OPHN1: variants seen among roughly 807,000 people sequenced by gnomAD.
The protein encoded by OPHN1 is oligophrenin-1.
OPHN1 carries 11 observed loss-of-function variants against 60.7 expected under a neutral mutation model. That is an observed-to-expected ratio of 0.18 (90% CI 0.11 to 0.30). OPHN1 has a LOEUF of 0.30. Among genes scored for constraint, OPHN1 ranks in the 10% least tolerant of loss-of-function variants. The pLI is 1.00. For synonymous variants in OPHN1, 226 were observed against 222.6 expected (o/e 1.02, Z -0.14); for missense variants, 449 against 611.0 (o/e 0.73, Z 2.80).
intron 18 of OPHN1, among the ~76,000 whole-genome samples, chrX:68,107,203 A>G (rs2077085076): frequency 9.0e-6 from 1 of 111,652 alleles, no homozygotes; most frequent in South Asian, 3.8e-4. Flanking sequence ...TATGGGAGAA[A>G]AAGTCTTTTA....
At chrX:68,392,933 A>T (rs1367602714) in intron 2 of OPHN1, among the ~76,000 whole-genome samples, 1 of 110,410 alleles carries the variant, frequency 9.1e-6, no homozygotes, top group African/African-American at 3.3e-5. Flanking sequence ...TTCGTGTGTG[A>T]CTCGATTCTT....
intron 6 of OPHN1, among the ~76,000 whole-genome samples, chrX:68,225,102 G>A (rs1436305306): frequency 1.8e-5 from 2 of 112,149 alleles, no homozygotes; most frequent in African/African-American, 6.5e-5. Context: ...AGGGTCCCAA[G>A]CTCACGGAGC....
At chrX:68,354,127 A>G (rs957931886) in intron 2 of OPHN1, among the ~76,000 whole-genome samples, 1 of 111,321 alleles carries the variant, frequency 9.0e-6, no homozygotes, top group Non-Finnish European at 1.9e-5. Flanking sequence ...TCTCTGGACA[A>G]GGCATTGTTG....
chrX:68,165,105 A>G (rs993200287), intron 15 of OPHN1, among the ~76,000 whole-genome samples: 18 of 111,507 alleles, frequency 1.6e-4, no homozygotes, highest in African/African-American at 5.5e-4. Context: ...TTGACCTTCT[A>G]TCCAGACCAC....
intron 2 of OPHN1, among the ~76,000 whole-genome samples, chrX:68,346,651 TAA>T (rs2078380636): frequency 8.9e-6 from 1 of 112,034 alleles, no homozygotes; most frequent in South Asian, 3.7e-4. Flanking sequence ...TGATTTTACA[TAA>T]CAGGAAACTG....
chrX:68,245,258 C>T (rs1729874444), intron 5 of OPHN1, among the ~76,000 whole-genome samples: 1 of 111,346 alleles, frequency 9.0e-6, no homozygotes, highest in Admixed American at 9.6e-5. Context: ...GTATTCAAGG[C>T]CCTGCAGTCT....
At chrX:68,300,615 C>T (rs1434147219) in intron 2 of OPHN1, among the ~76,000 whole-genome samples, 4 of 112,452 alleles carry the variant, frequency 3.6e-5, no homozygotes, top group African/African-American at 1.3e-4. Context: ...AGTACATCAG[C>T]AACGAGAACA....
chrX:68,077,160 A>T (rs1718852628), intron 19 of OPHN1, among the ~76,000 whole-genome samples: 2 of 112,109 alleles, frequency 1.8e-5, no homozygotes, highest in Admixed American at 9.5e-5. Context: ...TTTGCCTATT[A>T]GACTGATAAA....
chrX:68,221,275 A>G (rs2077656012), intron 6 of OPHN1, among the ~76,000 whole-genome samples: 1 of 53,096 alleles, frequency 1.9e-5, no homozygotes, highest in Non-Finnish European at 3.6e-5. Flanking sequence ...AAGGAAATAA[A>G]AGAGGATACA....
intron 2 of OPHN1, among the ~76,000 whole-genome samples, chrX:68,402,592 C>T (rs1228042445): frequency 1.8e-5 from 2 of 111,468 alleles, no homozygotes; most frequent in Non-Finnish European, 3.8e-5. Flanking sequence ...ATCATTAAAC[C>T]CCAAGTATAA....
intron 2 of OPHN1, among the ~76,000 whole-genome samples, chrX:68,357,650 C>G (rs1300690631): frequency 9.0e-6 from 1 of 110,994 alleles, no homozygotes; most frequent in Non-Finnish European, 1.9e-5. Flanking sequence ...TCCAGTCTAT[C>G]ATTGTTGGAC....
chrX:68,327,640 GC>G (rs1211931632), intron 2 of OPHN1, among the ~76,000 whole-genome samples: 1 of 57,126 alleles, frequency 1.8e-5, no homozygotes, highest in Non-Finnish European at 2.9e-5. Context: ...CACAAACGCT[GC>G]GGAAGGCCGC....
At position 68,368,787 on chromosome X, in the gene OPHN1, G is replaced by C. The variant is rs1226105983; in HGVS notation, c.154+64080C>G. Among the ~76,000 whole-genome samples the C allele has an allele frequency of 2.7e-5, 3 of 112,035 alleles. No individual in the cohort carries two copies. The East Asian group carries it at 8.4e-4, about 31-fold the overall frequency. The stretch of plus-strand genomic sequence containing the variant: ...TAGCTCCTTGTATTTCAGAAACTCT[G>C]TGTCAAAATTCTCACTGAACACAAT... On this transcript the variant is annotated intron_variant, in intron 2 of 24. Coordinates refer to ENST00000355520, the MANE Select transcript of OPHN1 (RefSeq NM_002547.3).
At chrX:68,167,624 CATGCATGCATATATATGCATACATAT>C (rs2077365277) in intron 15 of OPHN1, among the ~76,000 whole-genome samples, 1 of 109,113 alleles carries the variant, frequency 9.2e-6, no homozygotes, top group African/African-American at 3.3e-5. Context: ...TACATGCGCG[CATGCATGCATATATATGCATACATAT>C]ATGCATGTAT....
chrX:68,206,054 T>C (rs1382811089), intron 10 of OPHN1, among the ~76,000 whole-genome samples: 1 of 108,639 alleles, frequency 9.2e-6, no homozygotes, highest in East Asian at 2.9e-4. Context: ...ACTATTTTTT[T>C]CAGTGTGTTA....
At chrX:68,092,659 T>C (rs1484027098) in intron 19 of OPHN1, among the ~76,000 whole-genome samples, 2 of 111,318 alleles carry the variant, frequency 1.8e-5, no homozygotes, top group Non-Finnish European at 3.8e-5. Flanking sequence ...TCCTATTATA[T>C]CCTGGGAATA....
At chrX:68,100,288 T>C (rs767830128) in intron 18 of OPHN1, among the ~76,000 whole-genome samples, 17 of 108,677 alleles carry the variant, frequency 1.6e-4, no homozygotes, top group South Asian at 3.9e-4. Flanking sequence ...CACACACACA[T>C]ACACACACAC....
intron 2 of OPHN1, among the ~76,000 whole-genome samples, chrX:68,398,696 C>T (rs1369035375): frequency 9.0e-6 from 1 of 111,661 alleles, no homozygotes; most frequent in Admixed American, 9.6e-5. Flanking sequence ...CGCCTGTAAT[C>T]CCAGCACTTT....
At chrX:68,135,019 C>A (rs2077213472) in intron 15 of OPHN1, among the ~76,000 whole-genome samples, 1 of 110,676 alleles carries the variant, frequency 9.0e-6, no homozygotes, top group Non-Finnish European at 1.9e-5. Flanking sequence ...TATTTATATT[C>A]TTTTAGTTTG....
Sources: allele counts gnomAD v4.1 joint callset (sites outside exome capture counted in the v4.1 genomes callset), GRCh38; gene constraint gnomAD v4.1.1; transcripts MANE v1.5; gene names NCBI Gene and HGNC (gene_info 2026-07-23, HGNC 2026-07-21).